The following ASIC2 variants were observed in gnomAD, a reference collection of about 807,000 sequenced individuals.
The protein encoded by ASIC2 is acid-sensing ion channel 2.
ASIC2 carries 25 observed loss-of-function variants against 57.3 expected under a neutral mutation model. The ratio of observed to expected loss-of-function variants is 0.44; its 90% confidence interval spans 0.32 to 0.61. The LOEUF is 0.61. Among genes scored for constraint, ASIC2 ranks in the 20% least tolerant of loss-of-function variants. The pLI is 0.06. For missense variants in ASIC2, 641 were observed against 738.1 expected (o/e 0.87, Z 1.52); for synonymous variants, 319 against 307.5 (o/e 1.04, Z -0.39).
chr17:33,936,043 A>C (rs945194376), intron 1 of ASIC2: 1 of 152,286 alleles, frequency 6.6e-6, no homozygotes, highest in Non-Finnish European at 1.5e-5. Context: ...AAATGGGGAC[A>C]TGCAAGTCCC....
intron 1 of ASIC2, among the ~76,000 whole-genome samples, chr17:33,736,500 C>T (rs562645374): frequency 1.1e-3 from 162 of 152,158 alleles, no homozygotes; most frequent in Admixed American, 2.2e-3. Flanking sequence ...CTATGGAGAC[C>T]GTGAAGATCC....
intron 1 of ASIC2, among the ~76,000 whole-genome samples, chr17:33,413,045 T>C (rs1481008198): frequency 6.6e-6 from 1 of 152,192 alleles, no homozygotes; most frequent in East Asian, 1.9e-4. Context: ...GGCACTTGGC[T>C]TCTGAGGACT....
At chr17:33,068,331 C>T (rs901314873) in intron 3 of ASIC2, among the ~76,000 whole-genome samples, 4 of 152,194 alleles carry the variant, frequency 2.6e-5, no homozygotes, top group African/African-American at 7.2e-5. Context: ...GTCAGGAGTT[C>T]GAGATCATCC....
intron 1 of ASIC2, among the ~76,000 whole-genome samples, chr17:33,138,025 C>T (rs1875581005): frequency 6.6e-6 from 1 of 152,112 alleles, no homozygotes; most frequent in Admixed American, 6.5e-5. Context: ...CTTGATGTAC[C>T]TTATGGAATA....
At chr17:33,835,453 C>T (rs901014925) in intron 1 of ASIC2, among the ~76,000 whole-genome samples, 5 of 152,134 alleles carry the variant, frequency 3.3e-5, no homozygotes, top group African/African-American at 1.2e-4. Flanking sequence ...TGATAAACCC[C>T]AGGTCATCTT....
intron 1 of ASIC2, among the ~76,000 whole-genome samples, chr17:33,138,853 G>T (rs191834486): frequency 3.7e-4 from 57 of 152,290 alleles, no homozygotes; most frequent in Non-Finnish European, 5.9e-5. Flanking sequence ...ATTTTAACTG[G>T]CTGCCTTTTC....
intron 1 of ASIC2, among the ~76,000 whole-genome samples, chr17:33,191,756 A>G (rs768287737): frequency 3.9e-5 from 6 of 152,114 alleles, no homozygotes; most frequent in Non-Finnish European, 7.4e-5. Flanking sequence ...CCGTCTTACA[A>G]ACTTCCTTGT....
At chr17:33,189,032 T>G (rs547591045) in intron 1 of ASIC2, among the ~76,000 whole-genome samples, 2 of 152,314 alleles carry the variant, frequency 1.3e-5, no homozygotes, top group African/African-American at 4.8e-5. Flanking sequence ...TTTGTAAGTT[T>G]CTGATACTAT....
At chr17:33,588,606 G>A (rs1232227149) in intron 1 of ASIC2, among the ~76,000 whole-genome samples, 3 of 152,334 alleles carry the variant, frequency 2.0e-5, no homozygotes, top group Admixed American at 6.5e-5. Context: ...ACTGTCGAAT[G>A]GGGAAGACAG....
chr17:33,875,605 C>T (rs1469226561), intron 1 of ASIC2, among the ~76,000 whole-genome samples: 2 of 152,170 alleles, frequency 1.3e-5, no homozygotes, highest in South Asian at 4.1e-4. Flanking sequence ...GCCAAGTTCA[C>T]CTCTGAACTT....
At chr17:33,077,173 C>G (rs924436789) in intron 3 of ASIC2, among the ~76,000 whole-genome samples, 1 of 151,938 alleles carries the variant, frequency 6.6e-6, no homozygotes, top group South Asian at 2.1e-4. Flanking sequence ...AGACCTTGGC[C>G]CAAGGCCATC....
In ASIC2 at chr17:33,865,784, C is replaced by T. The variant is rs369540245; in HGVS notation, c.555+290194G>A. ...TAAAAAAAAAAAACAAAAAAAAAAA[C>T]GTTTTTTTATTGAACTATGTCAAAC... On this transcript the variant is annotated intron_variant, in intron 1 of 9. Coordinates refer to the ASIC2 transcript ENST00000359872. Among the ~76,000 whole-genome samples, 20 of 138,422 alleles carry T rather than the reference C, an allele frequency of 1.4e-4. 1 individual carries two copies. Among genetic ancestry groups the T allele is most frequent in the Non-Finnish European group, 2.2e-4 (14 of 64,384 alleles). The allele number at this position is 138,422 out of a possible 152,430, so 90.8% of individuals were successfully genotyped here. A position where few individuals can be genotyped will look rare whatever the true frequency, so the allele number is the denominator to read the frequency against.
chr17:33,689,094 G>A (rs1414186599), intron 1 of ASIC2: 2 of 152,194 alleles, frequency 1.3e-5, no homozygotes, highest in Non-Finnish European at 2.9e-5. Flanking sequence ...AAGATAAGTT[G>A]TTTCTCCTTG....
At chr17:33,604,018 C>T (rs559822195) in intron 1 of ASIC2, among the ~76,000 whole-genome samples, 1 of 152,296 alleles carries the variant, frequency 6.6e-6, no homozygotes, top group African/African-American at 2.4e-5. Flanking sequence ...TTGGCTGGAA[C>T]TGTCACATGG....
At chr17:34,037,793 G>T (rs900348056) in intron 1 of ASIC2, 1 of 1,614,056 alleles carries the variant, frequency 6.2e-7, no homozygotes, top group Non-Finnish European at 8.5e-7. Context: ...TCGAATCAAC[G>T]CCTTTGCTTC....
At chr17:33,660,379 C>T (rs1389096703) in intron 1 of ASIC2, among the ~76,000 whole-genome samples, 1 of 152,014 alleles carries the variant, frequency 6.6e-6, no homozygotes, top group Non-Finnish European at 1.5e-5. Flanking sequence ...TAGCACTTAG[C>T]TTAAAACACA....
At chr17:33,203,141 C>T (rs1906941007) in intron 1 of ASIC2, among the ~76,000 whole-genome samples, 1 of 152,210 alleles carries the variant, frequency 6.6e-6, no homozygotes, top group Non-Finnish European at 1.5e-5. Context: ...CCCTTTCATC[C>T]TTACCCATAG....
At chr17:33,447,664 G>T (rs536734002) in intron 1 of ASIC2, among the ~76,000 whole-genome samples, 1 of 152,148 alleles carries the variant, frequency 6.6e-6, no homozygotes, top group South Asian at 2.1e-4. Context: ...AACTGATTCT[G>T]GATAGCTTCA....
At chr17:33,021,875 G>A (rs544686047) in intron 6 of ASIC2, among the ~76,000 whole-genome samples, 2 of 152,352 alleles carry the variant, frequency 1.3e-5, no homozygotes, top group African/African-American at 2.4e-5. Context: ...GAAGCACCGC[G>A]GCTTGCTTTG....
Sources: gnomAD v4.1 joint callset for allele counts (sites outside exome capture counted in the v4.1 genomes callset) on GRCh38, gnomAD v4.1.1 for gene constraint, MANE v1.5 for transcripts, NCBI Gene and HGNC (gene_info 2026-07-23, HGNC 2026-07-21) for gene names.